LYN: variants seen among roughly 807,000 people sequenced by gnomAD.
The protein encoded by LYN is LYN proto-oncogene, Src family tyrosine kinase.
Under a neutral mutation model 65.0 loss-of-function variants are expected in LYN, and 12 were observed. The ratio of observed to expected loss-of-function variants is 0.18; its 90% CI spans 0.12 to 0.30. LYN has a LOEUF of 0.30. Ranked by LOEUF, LYN falls within the 10% of genes least tolerant of loss-of-function variation. The probability of loss-of-function intolerance (pLI) is 1.00; values close to 1 mark genes in which losing one functional copy is unlikely to be tolerated. For synonymous variants in LYN, 222 were observed against 221.2 expected, an observed-to-expected ratio of 1.00 and a Z score of -0.03; for missense variants, 380 against 623.2, an observed-to-expected ratio of 0.61 and a Z score of 4.16.
chr8:55,927,461 A>T (rs906877151), intron 1 of LYN, among the ~76,000 whole-genome samples: 24 of 152,244 alleles, frequency 1.6e-4, no homozygotes, highest in African/African-American at 5.3e-4. Context: ...TGTTGTCTGG[A>T]TATAAAATGG....
At chr8:55,939,386 G>A (rs961126130) in intron 1 of LYN, among the ~76,000 whole-genome samples, 3 of 152,036 alleles carry the variant, frequency 2.0e-5, no homozygotes, top group African/African-American at 7.3e-5. Flanking sequence ...GCCATCTATC[G>A]ATCTTCCTGT....
At chr8:55,912,592 TGGCACATGCCTGTAATCCCAGCTACTCAG>T (rs1259102266) in intron 1 of LYN, among the ~76,000 whole-genome samples, 2 of 152,058 alleles carry the variant, frequency 1.3e-5, no homozygotes, top group Admixed American at 1.3e-4. Context: ...CTGGGCATCG[TGGCACATGCCTGTAATCCCAGCTACTCAG>T]GAGGCTGAGG....
At chr8:55,993,501 T>C (rs1314189457) in intron 10 of LYN, among the ~76,000 whole-genome samples, 1 of 152,204 alleles carries the variant, frequency 6.6e-6, no homozygotes, top group Admixed American at 6.5e-5. Context: ...GAGTGTGGTG[T>C]TAGAATCGTG....
intron 3 of LYN, among the ~76,000 whole-genome samples, chr8:55,947,182 G>A (rs1258173335): frequency 2.6e-5 from 4 of 152,254 alleles, no homozygotes; most frequent in Non-Finnish European, 5.9e-5. Context: ...CCAGGAGGTG[G>A]AGGTTGCAGT....
chr8:55,906,023 T>G (rs1805408486), intron 1 of LYN, among the ~76,000 whole-genome samples: 1 of 152,244 alleles, frequency 6.6e-6, no homozygotes, highest in Non-Finnish European at 1.5e-5. Flanking sequence ...TTTGTGTTGT[T>G]GCTTTTCTTT....
intron 12 of LYN, among the ~76,000 whole-genome samples, chr8:56,007,205 A>G (rs1340641908): frequency 6.6e-6 from 1 of 152,242 alleles, no homozygotes; most frequent in African/African-American, 2.4e-5. Context: ...GTGCAGGTCC[A>G]ATTGCTATTT....
chr8:55,936,641 A>G (rs1288949397), intron 1 of LYN, among the ~76,000 whole-genome samples: 2 of 152,176 alleles, frequency 1.3e-5, no homozygotes, highest in East Asian at 1.9e-4. Flanking sequence ...CTCCATCTCA[A>G]AAAACAAACA....
At chr8:55,969,845 G>T in intron 10 of LYN, 52 bp downstream of exon 10, 1 of 1,437,836 alleles carries the variant, frequency 7.0e-7, no homozygotes, top group Non-Finnish European at 9.8e-7. Context: ...AGACTTCCCT[G>T]CGTCAAATTC....
chr8:55,956,006 ACATTTTCATT>A (rs1469368380), intron 8 of LYN, among the ~76,000 whole-genome samples: 1 of 152,222 alleles, frequency 6.6e-6, no homozygotes, highest in Non-Finnish European at 1.5e-5. Flanking sequence ...TTATGTGGAC[ACATTTTCATT>A]TCTCTTGTGT....
At chr8:55,936,871 C>G (rs1428920729) in intron 1 of LYN, among the ~76,000 whole-genome samples, 2 of 152,148 alleles carry the variant, frequency 1.3e-5, no homozygotes, top group Non-Finnish European at 2.9e-5. Flanking sequence ...CCGGTTGTAC[C>G]TGAGACCTTT....
chr8:55,960,382 G>A (rs1199351614), intron 8 of LYN, among the ~76,000 whole-genome samples: 1 of 152,056 alleles, frequency 6.6e-6, no homozygotes, highest in East Asian at 1.9e-4. Flanking sequence ...AGAAGGGAAG[G>A]GGAGGAAAAG....
intron 1 of LYN, among the ~76,000 whole-genome samples, chr8:55,903,126 C>T (rs189607522): frequency 2.0e-5 from 3 of 152,250 alleles, no homozygotes; most frequent in East Asian, 1.9e-4. Context: ...GGATTACATG[C>T]GTGAGCCACT....
At chr8:55,901,159 T>C (rs980125681) in intron 1 of LYN, among the ~76,000 whole-genome samples, 10 of 152,246 alleles carry the variant, frequency 6.6e-5, no homozygotes, top group Admixed American at 2.0e-4. Context: ...TGCTTTTTTT[T>C]CCCTCTCCTT....
In LYN at chr8:55,942,443, GTATA is replaced by G. The variant is rs35488882; in HGVS notation, c.132+465_132+468del. Reference sequence around the variant, plus strand: ...TGTATATATATATATGTGTGTGTGTGTATATATATATATATACACACATACATAC... The same window carrying G: ...TGTATATATATATATGTGTGTGTGTGTATATATATATACACACATACATAC... On this transcript the variant is annotated intron_variant, in intron 2 of 12. Transcript: ENST00000519728. 6.9e-4 allele frequency among the ~76,000 whole-genome samples: 97 copies of G among 140,278 alleles called. 1 individual carries two copies. Among genetic ancestry groups the G allele is most frequent in the African/African-American group, 2.4e-3 (90 of 37,230 alleles). The allele number at this position is 140,278 out of a possible 152,430, so 92.0% of individuals were successfully genotyped here.
chr8:55,913,386 A>C (rs1056927792), intron 1 of LYN, among the ~76,000 whole-genome samples: 13 of 152,306 alleles, frequency 8.5e-5, no homozygotes, highest in Admixed American at 4.6e-4. Context: ...GTAAAGTCTC[A>C]TTCAGGGGCT....
intron 1 of LYN, among the ~76,000 whole-genome samples, chr8:55,907,610 T>C (rs1453809162): frequency 1.3e-5 from 2 of 152,180 alleles, no homozygotes; most frequent in Non-Finnish European, 2.9e-5. Context: ...CTCACGCCTG[T>C]AATCCCAGGA....
At chr8:55,998,997 G>T (rs1026974657) in intron 11 of LYN, among the ~76,000 whole-genome samples, 5 of 152,058 alleles carry the variant, frequency 3.3e-5, no homozygotes, top group African/African-American at 1.2e-4. Flanking sequence ...AACCAAAAAT[G>T]CACAGAGAGG....
chr8:55,879,880 G>T lies in LYN; in HGVS notation c.-229G>T. The T allele has an allele frequency of 5.3e-6, 1 of 189,466 alleles. No individual in the cohort carries two copies. Among genetic ancestry groups the T allele is most frequent in the Admixed American group, 6.0e-5 (1 of 16,654 alleles). The allele number at this position is 189,466 out of a possible 1,614,324, so 11.7% of individuals were successfully genotyped here. On this transcript the variant is annotated 5_prime_UTR_variant, in exon 1 of 13. Coordinates refer to ENST00000519728, the MANE Select transcript of LYN (RefSeq NM_002350.4). ...GGGCCGCGCTGCCGCTCGCTCCCCGGCCGTGGCGCCTCCGGGCCAGACGCG... is the reference window on the plus strand; with the variant it reads ...GGGCCGCGCTGCCGCTCGCTCCCCGTCCGTGGCGCCTCCGGGCCAGACGCG...
intron 10 of LYN, among the ~76,000 whole-genome samples, chr8:55,982,819 T>TC (rs1807965877): frequency 6.6e-6 from 1 of 152,132 alleles, no homozygotes; most frequent in South Asian, 2.1e-4. Context: ...CTTCATTTGA[T>TC]CGTTTCCACT....
Sources: gnomAD v4.1 joint callset for allele counts (sites outside exome capture counted in the v4.1 genomes callset) on GRCh38, gnomAD v4.1.1 for gene constraint, MANE v1.5 for transcripts, NCBI Gene and HGNC (gene_info 2026-07-23, HGNC 2026-07-21) for gene names.